The following TENM4 variants were observed in gnomAD, a reference collection of about 807,000 sequenced individuals.
TENM4 encodes teneurin transmembrane protein 4.
In TENM4, 82 loss-of-function variants were observed where a neutral mutation model predicts 243.3. That is an observed-to-expected ratio of 0.34 (90% CI 0.28 to 0.40). The LOEUF (loss-of-function observed/expected upper bound fraction) is 0.40. Among genes scored for constraint, TENM4 ranks in the 10% least tolerant of loss-of-function variants. TENM4 has a pLI of 1.00. For missense variants in TENM4, 3,138 were observed against 3,673.3 expected (o/e 0.85, Z 3.77); for synonymous variants, 1,412 against 1,456.3 (o/e 0.97, Z 0.69).
Position 78,738,027 on chromosome 11 carries a change from T to A in TENM4, c.2876+424A>T, listed in dbSNP as rs112153823. Among the ~76,000 whole-genome samples the A allele has an allele frequency of 5.8e-3, 877 of 152,268 alleles. 4 individuals carry two copies. Among genetic ancestry groups the A allele is most frequent in the Middle Eastern group, 0.014 (4 of 294 alleles). On this transcript the variant is annotated intron_variant, in intron 20 of 33. Coordinates refer to ENST00000278550, the MANE Select transcript of TENM4 (RefSeq NM_001098816.3). The stretch of plus-strand genomic sequence containing the variant: ...AAGTTTTATTTCATTCTGCTGATGG[T>A]TCTTGGAGGAATTCAAAGGTCAGAA...
At chr11:79,024,723 A>G (rs1859031039) in intron 6 of TENM4, among the ~76,000 whole-genome samples, 1 of 152,218 alleles carries the variant, frequency 6.6e-6, no homozygotes, top group African/African-American at 2.4e-5. Flanking sequence ...ATTATTACAA[A>G]GAGTAATGTT....
intron 6 of TENM4, among the ~76,000 whole-genome samples, chr11:79,055,296 C>G (rs577788138): frequency 6.6e-6 from 1 of 151,852 alleles, no homozygotes; most frequent in African/African-American, 2.4e-5. Context: ...GGCTGGTGTG[C>G]GGTGGCATGA....
At chr11:79,178,810 G>A (rs750075630) in intron 3 of TENM4, among the ~76,000 whole-genome samples, 9 of 152,242 alleles carry the variant, frequency 5.9e-5, no homozygotes, top group Non-Finnish European at 1.3e-4. Flanking sequence ...AGAAATACCC[G>A]TCAGTGGGTG....
intron 12 of TENM4, among the ~76,000 whole-genome samples, chr11:78,814,956 C>A (rs1857573507): frequency 6.6e-6 from 1 of 152,214 alleles, no homozygotes; most frequent in African/African-American, 2.4e-5. Flanking sequence ...TTGCTCCTCA[C>A]CTTGATGTGT....
intron 3 of TENM4, among the ~76,000 whole-genome samples, chr11:79,186,522 A>G (rs1863383097): frequency 6.6e-6 from 1 of 152,226 alleles, no homozygotes; most frequent in African/African-American, 2.4e-5. Flanking sequence ...CAAAACAGCT[A>G]GTCAGTGGCT....
At chr11:79,204,214 C>T (rs1183282627) in intron 3 of TENM4, among the ~76,000 whole-genome samples, 2 of 152,082 alleles carry the variant, frequency 1.3e-5, no homozygotes, top group African/African-American at 4.8e-5. Context: ...GGTTTCTCGA[C>T]TCTGCAAATA....
intron 6 of TENM4, among the ~76,000 whole-genome samples, chr11:79,047,330 T>C (rs1859681836): frequency 6.6e-6 from 1 of 152,204 alleles, no homozygotes; most frequent in African/African-American, 2.4e-5. Flanking sequence ...GCTCTAGATA[T>C]TGAGTTTCAT....
rs117334885 is a variant in TENM4 at position 79,073,315 on chromosome 11, T to C, written c.-65-3306A>G. ...GCTGAGCCACTCACACTTTCCTGGA[T>C]GTGAATTCTGTGGCCTCTCTGACTT... On this transcript the variant is annotated intron_variant, in intron 4 of 33. Transcript: ENST00000278550. 5.2e-3 allele frequency among the ~76,000 whole-genome samples: 799 copies of C among 152,336 alleles called. 11 individuals are homozygous for C. The highest frequency in any genetic ancestry group is 0.046 in the South Asian group (221 of 4,826).
At chr11:79,410,272 G>C (rs528494669) in intron 1 of TENM4, among the ~76,000 whole-genome samples, 1 of 152,212 alleles carries the variant, frequency 6.6e-6, no homozygotes, top group South Asian at 2.1e-4. Flanking sequence ...CAGGGCTTTA[G>C]GAAGAACCCA....
At chr11:79,131,285 CGAG>C (rs1861998183) in intron 4 of TENM4, among the ~76,000 whole-genome samples, 1 of 152,098 alleles carries the variant, frequency 6.6e-6, no homozygotes, top group Non-Finnish European at 1.5e-5. Flanking sequence ...GACAGAAACA[CGAG>C]GTAACCTATA....
At chr11:79,213,851 T>G (rs538800832) in intron 3 of TENM4, among the ~76,000 whole-genome samples, 34 of 152,246 alleles carry the variant, frequency 2.2e-4, no homozygotes, top group South Asian at 8.3e-4. Context: ...TGAGCATTGG[T>G]TTTCTTACCT....
At chr11:79,256,759 C>G (rs1855707041) in intron 2 of TENM4, among the ~76,000 whole-genome samples, 1 of 152,188 alleles carries the variant, frequency 6.6e-6, no homozygotes, top group Admixed American at 6.5e-5. Context: ...CTGAGCCTCA[C>G]ACAGGAGACT....
rs77310206 is a variant in TENM4, at chr11:79,015,288, T to C, written c.493+49450A>G. ...CCCAGGCAGTCTGGCTCCAAGTTCA[T>C]GGTCTAAGCCACTGCAATCTCAAAC... On this transcript the variant is annotated intron_variant, in intron 6 of 33. Transcript: ENST00000278550. Among the ~76,000 whole-genome samples the C allele has an allele frequency of 7.6e-3, 1,153 of 152,328 alleles. 7 individuals carry two copies. The highest frequency in any genetic ancestry group is 0.012 in the Non-Finnish European group (812 of 68,028).
intron 9 of TENM4, among the ~76,000 whole-genome samples, chr11:78,875,255 G>A (rs1859240093): frequency 6.6e-6 from 1 of 152,090 alleles, no homozygotes; most frequent in Non-Finnish European, 1.5e-5. Context: ...TTGAGACAGA[G>A]TCTCACTCTG....
intron 2 of TENM4, among the ~76,000 whole-genome samples, chr11:79,282,889 C>G (rs28401201): frequency 6.6e-6 from 1 of 152,072 alleles, no homozygotes; most frequent in African/African-American, 2.4e-5. Flanking sequence ...GTATTAAGCA[C>G]CTTGCCTGGC....
intron 2 of TENM4, among the ~76,000 whole-genome samples, chr11:79,244,624 G>C (rs1855481878): frequency 6.6e-6 from 1 of 152,138 alleles, no homozygotes; most frequent in South Asian, 2.1e-4. Context: ...CTTCCTGCTT[G>C]TTGGGTCTTG....
At chr11:78,755,324 C>G (rs796823017) in intron 19 of TENM4, among the ~76,000 whole-genome samples, 13 of 152,186 alleles carry the variant, frequency 8.5e-5, no homozygotes, top group African/African-American at 3.1e-4. Flanking sequence ...GCCACCACAC[C>G]CAACTAATTT....
At chr11:79,427,244 G>C (rs964396339) in intron 1 of TENM4, among the ~76,000 whole-genome samples, 1 of 152,290 alleles carries the variant, frequency 6.6e-6, no homozygotes, top group Admixed American at 6.5e-5. Context: ...GCTTTAAAAA[G>C]CTGCATTATC....
At chr11:79,194,582 T>C (rs1411901168) in intron 3 of TENM4, among the ~76,000 whole-genome samples, 7 of 152,124 alleles carry the variant, frequency 4.6e-5, no homozygotes, top group Non-Finnish European at 1.0e-4. Context: ...GACACTGGAA[T>C]CATATTGCCC....
Sources: gnomAD v4.1 joint callset for allele counts (sites outside exome capture counted in the v4.1 genomes callset) on GRCh38, gnomAD v4.1.1 for gene constraint, MANE v1.5 for transcripts, NCBI Gene and HGNC (gene_info 2026-07-23, HGNC 2026-07-21) for gene names.